ACTR3C: variants seen among roughly 807,000 people sequenced by gnomAD.
ACTR3C encodes the protein actin related protein 3C.
ACTR3C carries 18 observed loss-of-function variants against 26.3 expected under a neutral mutation model. That is an observed-to-expected ratio of 0.68 (90% CI 0.47 to 1.01). The LOEUF (loss-of-function observed/expected upper bound fraction) is 1.01. Among genes scored for constraint, ACTR3C ranks in the 50% least tolerant of loss-of-function variants. The pLI, the probability that ACTR3C is intolerant of heterozygous loss-of-function variation, is 0.00. For missense variants in ACTR3C, 184 were observed against 250.7 expected, an observed-to-expected ratio of 0.73 and a Z score of 1.80; for synonymous variants, 55 against 94.5, an observed-to-expected ratio of 0.58 and a Z score of 2.42.
chr7:150,220,359 G>A, the ACTR3C span, among the ~76,000 whole-genome samples: 1 of 146,018 alleles, frequency 6.8e-6, no homozygotes, highest in Non-Finnish European at 1.5e-5. Context: ...TCCTAGGCGC[G>A]TGGAGGGTGG....
At chr7:150,279,613 C>T (rs1430940054) in intron 6 of ACTR3C, among the ~76,000 whole-genome samples, 4 of 151,984 alleles carry the variant, frequency 2.6e-5, no homozygotes. Context: ...AGGCTCTGGC[C>T]AAAACAGGCA....
the ACTR3C span, among the ~76,000 whole-genome samples, chr7:150,149,079 GTATATATATATATATATA>G: frequency 0.076 from 7,089 of 93,070 alleles, 436 homozygotes; most frequent in East Asian, 0.19. Context: ...TAAAGTTTGA[GTATATATATATATATATA>G]TATATATATA....
At position 150,282,491 on chromosome 7, in the gene ACTR3C, C is replaced by G. The variant is rs549959800; in HGVS notation, c.564+2262G>C. Among the ~76,000 whole-genome samples the G allele has an allele frequency of 1.6e-4, 23 of 144,898 alleles. No homozygotes were observed. The South Asian group carries it at 2.8e-3, about 17-fold the overall frequency. On this transcript the variant is annotated intron_variant, in intron 6 of 7. Coordinates refer to ENST00000683684, the MANE Select transcript of ACTR3C (RefSeq NM_001164458.2). ...GTGACAAACGAGAAAGCATGGCCAGCCCCAGGACATTCAATCCTTCCACCT... is the reference window on the plus strand; with the variant it reads ...GTGACAAACGAGAAAGCATGGCCAGGCCCAGGACATTCAATCCTTCCACCT...
chr7:150,047,606 T>C, the ACTR3C span: 1 of 1,031,916 alleles, frequency 9.7e-7, no homozygotes, highest in Non-Finnish European at 1.2e-6. Context: ...GAGAAGCTCT[T>C]ACGTCCTCCT....
the ACTR3C span, among the ~76,000 whole-genome samples, chr7:149,899,578 A>G: frequency 7.5e-6 from 1 of 133,890 alleles, no homozygotes; most frequent in Admixed American, 7.9e-5. Context: ...TCCAAACAAA[A>G]GACAGAAAAT....
chr7:150,063,928 A>C, the ACTR3C span, among the ~76,000 whole-genome samples: 1 of 152,038 alleles, frequency 6.6e-6, no homozygotes, highest in Non-Finnish European at 1.5e-5. Flanking sequence ...TGGACACTGA[A>C]GTATGGCAAG....
the ACTR3C span, among the ~76,000 whole-genome samples, chr7:150,231,193 C>T: frequency 5.8e-4 from 89 of 152,154 alleles, no homozygotes; most frequent in African/African-American, 2.0e-3. Flanking sequence ...TTATTTAGAT[C>T]GTGCGATATT....
chr7:150,320,664 G>A (rs2129617681), intron 1 of ACTR3C, among the ~76,000 whole-genome samples: 1 of 152,334 alleles, frequency 6.6e-6, no homozygotes, highest in East Asian at 1.9e-4. Context: ...TTCGAAGGCT[G>A]AAGCAGGAGA....
At chr7:150,299,662 T>C (rs1795271404) in intron 1 of ACTR3C, among the ~76,000 whole-genome samples, 1 of 151,858 alleles carries the variant, frequency 6.6e-6, no homozygotes, top group Non-Finnish European at 1.5e-5. Context: ...GGTGCACGCC[T>C]GTAATCCCAG....
At chr7:150,068,782 C>CAAAA in the ACTR3C span, among the ~76,000 whole-genome samples, 3 of 76,746 alleles carry the variant, frequency 3.9e-5, no homozygotes, top group South Asian at 5.0e-4. Flanking sequence ...GACTCCGTCC[C>CAAAA]AAAAAAAAAA....
the ACTR3C span, among the ~76,000 whole-genome samples, chr7:150,042,829 G>T: frequency 1.5e-4 from 22 of 150,658 alleles, no homozygotes; most frequent in African/African-American, 5.0e-4. Flanking sequence ...TGGGTTAAAA[G>T]TCCAGCTGCC....
the ACTR3C span, among the ~76,000 whole-genome samples, chr7:149,908,226 G>A: frequency 6.6e-6 from 1 of 152,100 alleles, no homozygotes; most frequent in Non-Finnish European, 1.5e-5. Flanking sequence ...CCTTGATCTT[G>A]GACTTCCAAC....
At chr7:150,064,649 T>TAC in the ACTR3C span, among the ~76,000 whole-genome samples, 19,423 of 145,066 alleles carry the variant, frequency 0.13, 1,338 homozygotes, top group South Asian at 0.19. Context: ...TATTTTCACA[T>TAC]ACACACACAC....
At chr7:150,221,865 G>T in the ACTR3C span, among the ~76,000 whole-genome samples, 6,548 of 152,002 alleles carry the variant, frequency 0.043, 205 homozygotes, top group Non-Finnish European at 0.065. Context: ...AGGCGTGGTG[G>T]CGGGTGCCGG....
At chr7:150,154,371 G>A in the ACTR3C span, among the ~76,000 whole-genome samples, 1 of 151,926 alleles carries the variant, frequency 6.6e-6, no homozygotes, top group South Asian at 2.1e-4. Context: ...TTTGGTCTCA[G>A]TAGGTTGTAT....
At chr7:150,066,076 G>A in the ACTR3C span, among the ~76,000 whole-genome samples, 5 of 152,036 alleles carry the variant, frequency 3.3e-5, no homozygotes, top group African/African-American at 4.8e-5. Flanking sequence ...CATGCTTGTC[G>A]AGCTCCAAAA....
chr7:150,005,232 G>C, the ACTR3C span: 1 of 152,148 alleles, frequency 6.6e-6, no homozygotes, highest in South Asian at 2.1e-4. Context: ...ACACAGGTGG[G>C]AGAGCAGGTA....
chr7:150,151,162 G>A, the ACTR3C span, among the ~76,000 whole-genome samples: 2 of 127,316 alleles, frequency 1.6e-5, no homozygotes, highest in African/African-American at 5.4e-5. Context: ...CTATTATACA[G>A]TATTATCTTT....
chr7:149,932,801 C>G, the ACTR3C span, among the ~76,000 whole-genome samples: 1 of 151,250 alleles, frequency 6.6e-6, no homozygotes, highest in South Asian at 2.1e-4. Flanking sequence ...GTCAGAACAA[C>G]CCAGGCACCT....
Sources: gnomAD v4.1 joint callset for allele counts (sites outside exome capture counted in the v4.1 genomes callset) on GRCh38, gnomAD v4.1.1 for gene constraint, MANE v1.5 for transcripts, NCBI Gene and HGNC (gene_info 2026-07-23, HGNC 2026-07-21) for gene names.